Variants in ST8SIA2 observed in about 807,000 individuals in gnomAD.
ST8SIA2 encodes ST8 alpha-N-acetyl-neuraminide alpha-2,8-sialyltransferase 2.
Under a neutral mutation model 37.6 loss-of-function variants are expected in ST8SIA2, and 22 were observed. The observed-to-expected ratio is 0.58, with a 90% confidence interval of 0.42 to 0.83. The LOEUF (loss-of-function observed/expected upper bound fraction) is 0.83, where lower values mean the gene tolerates loss of function less well. Among genes scored for constraint, ST8SIA2 ranks in the 40% least tolerant of loss-of-function variants. The pLI is 0.00. For missense variants in ST8SIA2, 382 were observed against 484.7 expected (o/e 0.79, Z 1.99); for synonymous variants, 205 against 201.2 (o/e 1.02, Z -0.16).
intron 4 of ST8SIA2, among the ~76,000 whole-genome samples, chr15:92,441,244 C>T (rs911214898): frequency 2.6e-5 from 4 of 152,200 alleles, no homozygotes; most frequent in Non-Finnish European, 5.9e-5. Context: ...ATGCAACTAT[C>T]TTGCAAAACC....
intron 3 of ST8SIA2, among the ~76,000 whole-genome samples, chr15:92,435,418 G>A (rs908878267): frequency 2.0e-5 from 3 of 152,098 alleles, no homozygotes; most frequent in Non-Finnish European, 4.4e-5. Context: ...TGCAGGAGCA[G>A]GAAGCAGGAG....
intron 1 of ST8SIA2, among the ~76,000 whole-genome samples, chr15:92,429,182 T>A (rs2049697027): frequency 6.6e-6 from 1 of 152,216 alleles, no homozygotes; most frequent in Middle Eastern, 3.2e-3. Flanking sequence ...AAGCACCCAG[T>A]ACCTCCCCAC....
At chr15:92,412,965 CTG>C (rs1421392059) in intron 1 of ST8SIA2, among the ~76,000 whole-genome samples, 1 of 151,820 alleles carries the variant, frequency 6.6e-6, no homozygotes, top group Non-Finnish European at 1.5e-5. Flanking sequence ...GCCCTTGCCT[CTG>C]TTTTCTTCTC....
intron 1 of ST8SIA2, among the ~76,000 whole-genome samples, chr15:92,425,293 T>G (rs1037278976): frequency 2.0e-5 from 3 of 152,232 alleles, no homozygotes; most frequent in Non-Finnish European, 4.4e-5. Flanking sequence ...TGAATGATGG[T>G]CTTCCCTGTT....
chr15:92,394,694 G>C lies in ST8SIA2; in HGVS notation c.98+532G>C, dbSNP rs77308586. Among the ~76,000 whole-genome samples the C allele has an allele frequency of 6.3e-3, 954 of 152,270 alleles. 11 individuals carry two copies. Among genetic ancestry groups the C allele is most frequent in the African/African-American group, 0.021 (888 of 41,560 alleles). ...AAGCGGAATGTCCCCTGCACACACA[G>C]ACAGGCACACGCGCCTCCCGCCGGC... On this transcript the variant is annotated intron_variant, in intron 1 of 5. Coordinates refer to ENST00000268164, the MANE Select transcript of ST8SIA2 (RefSeq NM_006011.4).
intron 3 of ST8SIA2, among the ~76,000 whole-genome samples, chr15:92,436,056 ATCT>A (rs113451001): frequency 0.46 from 69,295 of 151,476 alleles, 16,638 homozygotes; most frequent in East Asian, 0.68. Context: ...CTGTGCTTCT[ATCT>A]TCTTCTCTTC....
chr15:92,438,104 T>C (rs1381893263), intron 3 of ST8SIA2, among the ~76,000 whole-genome samples: 1 of 152,156 alleles, frequency 6.6e-6, no homozygotes, highest in African/African-American at 2.4e-5. Context: ...CAGGGCAGTT[T>C]TCACCTAGCA....
chr15:92,410,582 T>G (rs2049541658), intron 1 of ST8SIA2, among the ~76,000 whole-genome samples: 1 of 152,216 alleles, frequency 6.6e-6, no homozygotes, highest in South Asian at 2.1e-4. Context: ...CGTAACGGGA[T>G]GTAGAAAAGC....
intron 1 of ST8SIA2, among the ~76,000 whole-genome samples, chr15:92,397,935 C>T (rs2049443186): frequency 6.6e-6 from 1 of 152,124 alleles, no homozygotes; most frequent in Non-Finnish European, 1.5e-5. Context: ...GAGTTCGAGA[C>T]CAGACTGGCC....
At chr15:92,427,247 G>A (rs556561896) in intron 1 of ST8SIA2, among the ~76,000 whole-genome samples, 47 of 137,210 alleles carry the variant, frequency 3.4e-4, no homozygotes, top group Admixed American at 9.0e-4. Context: ...CTGGTGGGAG[G>A]TTGGGCACTT....
At chr15:92,461,720 G>A (rs1041148973) in intron 5 of ST8SIA2, among the ~76,000 whole-genome samples, 2 of 152,232 alleles carry the variant, frequency 1.3e-5, no homozygotes, top group Non-Finnish European at 2.9e-5. Context: ...GTCTTGCAGA[G>A]TTTCTGAACT....
chr15:92,432,037 T>A (rs911068882), intron 2 of ST8SIA2, among the ~76,000 whole-genome samples: 1 of 152,142 alleles, frequency 6.6e-6, no homozygotes, highest in African/African-American at 2.4e-5. Context: ...TCTCCAGGCA[T>A]CCACGGGAGA....
intron 2 of ST8SIA2, among the ~76,000 whole-genome samples, chr15:92,433,753 T>G (rs2049733979): frequency 6.6e-6 from 1 of 152,214 alleles, no homozygotes; most frequent in South Asian, 2.1e-4. Context: ...TCAAGGAGCA[T>G]ATCTCAGAAT....
intron 1 of ST8SIA2, among the ~76,000 whole-genome samples, chr15:92,401,800 C>T (rs1248653402): frequency 6.6e-6 from 1 of 151,358 alleles, no homozygotes; most frequent in Non-Finnish European, 1.5e-5. Flanking sequence ...GGAAACAATT[C>T]CTCCTCCTCC....
At chr15:92,452,627 C>G (rs763936141) in intron 5 of ST8SIA2, among the ~76,000 whole-genome samples, 75 of 152,288 alleles carry the variant, frequency 4.9e-4, no homozygotes, top group Non-Finnish European at 7.3e-4. Flanking sequence ...TGGAAGATAC[C>G]TGGGCACACT....
In ST8SIA2 at chr15:92,393,942, C is replaced by T. The variant is rs2049408877; in HGVS notation, c.-123C>T. 9.1e-6 allele frequency: 4 copies of T among 439,830 alleles called. No individual in the cohort carries two copies. The Admixed American group carries it at 1.6e-4, about 17-fold the overall frequency. The allele number at this position is 439,830 out of a possible 1,614,324, so 27.2% of individuals were successfully genotyped here. ...GCTGCCGCCGCCGGCCCGGACTCGT[C>T]CGGAGCGCAGGGTGTCTGCCCAGCT... On this transcript the variant is annotated 5_prime_UTR_variant, in exon 1 of 6. Transcript: ENST00000268164.
intron 1 of ST8SIA2, among the ~76,000 whole-genome samples, chr15:92,426,065 G>A (rs536479461): frequency 3.5e-4 from 53 of 152,200 alleles, no homozygotes; most frequent in Admixed American, 9.2e-4. Flanking sequence ...GTGGCCCGCA[G>A]GAGGAAGCCG....
At chr15:92,445,089 A>G (rs2049832446) in intron 5 of ST8SIA2, 160 bp downstream of exon 5, 1 of 1,070,606 alleles carries the variant, frequency 9.3e-7, no homozygotes, top group Admixed American at 2.0e-5. Flanking sequence ...CCATTCCTTG[A>G]GAGATGAGGG....
chr15:92,449,862 T>G (rs991870700), intron 5 of ST8SIA2, among the ~76,000 whole-genome samples: 3 of 152,218 alleles, frequency 2.0e-5, no homozygotes. Context: ...TTTTGCTTGT[T>G]GAGTTGTTTA....
Sources: gnomAD v4.1 joint callset for allele counts (sites outside exome capture counted in the v4.1 genomes callset) on GRCh38, gnomAD v4.1.1 for gene constraint, MANE v1.5 for transcripts, NCBI Gene and HGNC (gene_info 2026-07-23, HGNC 2026-07-21) for gene names.